BAZ2B: variants seen among roughly 807,000 people sequenced by gnomAD.
BAZ2B encodes the protein bromodomain adjacent to zinc finger domain protein 2B.
In BAZ2B, 91 loss-of-function variants were observed where a neutral mutation model predicts 246.0. The observed-to-expected ratio is 0.37, with a 90% CI of 0.31 to 0.44. BAZ2B has a LOEUF of 0.44. BAZ2B is among the 20% of genes least tolerant of loss of function. The pLI, the probability that BAZ2B is intolerant of heterozygous loss-of-function variation, is 1.00. For synonymous variants in BAZ2B, 855 were observed against 860.0 expected, an observed-to-expected ratio of 0.99 and a Z score of 0.10; for missense variants, 2,332 against 2,533.7, an observed-to-expected ratio of 0.92 and a Z score of 1.71.
chr2:159,600,432 T>TAA (rs898352695), intron 1 of BAZ2B, among the ~76,000 whole-genome samples: 1 of 150,646 alleles, frequency 6.6e-6, no homozygotes, highest in East Asian at 1.9e-4. Context: ...TTCCCACTGT[T>TAA]AAAAAAAAAC....
At chr2:159,596,806 T>G (rs1426908657) in intron 1 of BAZ2B, among the ~76,000 whole-genome samples, 1 of 152,216 alleles carries the variant, frequency 6.6e-6, no homozygotes, top group Non-Finnish European at 1.5e-5. Context: ...CATTCCTCGG[T>G]TACTTCACTT....
chr2:159,363,294 G>C (rs1278514860), intron 27 of BAZ2B, among the ~76,000 whole-genome samples: 1 of 152,166 alleles, frequency 6.6e-6, no homozygotes, highest in Non-Finnish European at 1.5e-5. Flanking sequence ...TAGATCCACA[G>C]ATAGTGTAGT....
At chr2:159,490,051 T>C (rs2080270876) in intron 2 of BAZ2B, among the ~76,000 whole-genome samples, 1 of 152,348 alleles carries the variant, frequency 6.6e-6, no homozygotes, top group Middle Eastern at 3.4e-3. Flanking sequence ...TCTTTCTTAG[T>C]CAATGTCAAA....
chr2:159,421,990 AT>A (rs2068846231), intron 13 of BAZ2B, among the ~76,000 whole-genome samples: 1 of 152,192 alleles, frequency 6.6e-6, no homozygotes, highest in Non-Finnish European at 1.5e-5. Flanking sequence ...CTCATTTACA[AT>A]AATAGCCACA....
chr2:159,656,839 G>A, the BAZ2B span, among the ~76,000 whole-genome samples: 11 of 152,006 alleles, frequency 7.2e-5, no homozygotes, highest in Admixed American at 5.9e-4. Context: ...TAATCAGGTT[G>A]TCTGTTTTCT....
chr2:159,539,198 G>A (rs763789597), intron 2 of BAZ2B, among the ~76,000 whole-genome samples: 5 of 152,166 alleles, frequency 3.3e-5, no homozygotes, highest in Non-Finnish European at 5.9e-5. Context: ...ACCAGTTTAT[G>A]TGTCTGTCTC....
At chr2:159,330,672 A>G (rs1406029958) in intron 34 of BAZ2B, among the ~76,000 whole-genome samples, 1 of 151,238 alleles carries the variant, frequency 6.6e-6, no homozygotes, top group Non-Finnish European at 1.5e-5. Context: ...CAGCCTGGGC[A>G]CATAGCGAGA....
In BAZ2B at chr2:159,324,874, T is replaced by A; in HGVS notation, c.6290A>T (p.Tyr2097Phe). ...LPVNLKLVPG[Y>F]KKVIKKPMDF... Reference sequence around the variant, plus strand: ...CATAGGCTTCTTAATAACTTTCTTATAACCAGGAACAAGTTTCAAGTTTAC... The same window carrying A: ...CATAGGCTTCTTAATAACTTTCTTAAAACCAGGAACAAGTTTCAAGTTTAC... Residue 2097 changes from tyrosine to phenylalanine, a missense_variant, in exon 36 of 37, where the codon TAT becomes TTT. Physicochemically the swap from Tyr to Phe is conservative, Grantham distance 22. This residue lies in a region of BAZ2B where 210 missense variants were observed against 232.5 expected (regional missense o/e 0.90). Coordinates refer to ENST00000392783, the MANE Select transcript of BAZ2B (RefSeq NM_013450.4). The A allele has an allele frequency of 6.4e-7, 1 of 1,554,406 alleles. No homozygotes were observed. Among genetic ancestry groups the A allele is most frequent in the Non-Finnish European group, 8.6e-7 (1 of 1,157,928 alleles).
At chr2:159,411,277 GC>G (rs2066797334) in intron 14 of BAZ2B, among the ~76,000 whole-genome samples, 1 of 151,994 alleles carries the variant, frequency 6.6e-6, no homozygotes, top group South Asian at 2.1e-4. Context: ...TCCCACCTTG[GC>G]ATCCCAAAGC....
chr2:159,447,007 T>G lies in BAZ2B; in HGVS notation c.503-32A>C, dbSNP rs546019766. The G allele has an allele frequency of 1.4e-5, 20 of 1,418,422 alleles. No homozygotes were observed. The African/African-American group carries it at 2.9e-4, about 20-fold the overall frequency. 87.9% of individuals were successfully genotyped at this position (1,418,422 alleles called of 1,614,324 possible). A position where few individuals can be genotyped will look rare whatever the true frequency, so the allele number is the denominator to read the frequency against. On this transcript the variant is annotated intron_variant, in intron 5 of 36. Transcript: ENST00000392783. ...AATAAAAATAAACATGTTTATACAA[T>G]GGAATATTATTGCATCATTTAAAAA...
At chr2:159,400,136 T>C (rs1407493567) in intron 17 of BAZ2B, among the ~76,000 whole-genome samples, 2 of 152,242 alleles carry the variant, frequency 1.3e-5, no homozygotes, top group Non-Finnish European at 2.9e-5. Flanking sequence ...CCTCTATCTC[T>C]ATTCTAATTA....
intron 8 of BAZ2B, chr2:159,437,266 T>G (rs1186920597): frequency 1.3e-5 from 2 of 152,228 alleles, no homozygotes; most frequent in Admixed American, 6.5e-5. Context: ...GCTGGACATA[T>G]GAATTTAGTC....
At chr2:159,399,207 G>C (rs770482676) in intron 17 of BAZ2B, among the ~76,000 whole-genome samples, 3 of 151,670 alleles carry the variant, frequency 2.0e-5, no homozygotes, top group Non-Finnish European at 2.9e-5. Flanking sequence ...TTTAATCACA[G>C]AAAAGTGATT....
intron 1 of BAZ2B, among the ~76,000 whole-genome samples, chr2:159,569,683 G>C (rs1439621955): frequency 6.6e-6 from 1 of 152,212 alleles, no homozygotes; most frequent in South Asian, 2.1e-4. Context: ...AATGTAGCCA[G>C]ATGCGGTAGC....
At chr2:159,687,000 C>T in the BAZ2B span, among the ~76,000 whole-genome samples, 1 of 146,612 alleles carries the variant, frequency 6.8e-6, no homozygotes, top group Non-Finnish European at 1.5e-5. Context: ...CGAGATTGCG[C>T]CACTACGCTC....
chr2:159,684,169 G>A, the BAZ2B span, among the ~76,000 whole-genome samples: 1 of 152,196 alleles, frequency 6.6e-6, no homozygotes, highest in Non-Finnish European at 1.5e-5. Context: ...TTGTATTACT[G>A]AATAATTCCA....
At chr2:159,594,774 G>A (rs1479466245) in intron 1 of BAZ2B, among the ~76,000 whole-genome samples, 2 of 152,046 alleles carry the variant, frequency 1.3e-5, no homozygotes, top group Non-Finnish European at 2.9e-5. Flanking sequence ...TGGGACTACA[G>A]GCGCGTGCCA....
At chr2:159,514,008 G>C (rs1281524306) in intron 2 of BAZ2B, among the ~76,000 whole-genome samples, 1 of 152,046 alleles carries the variant, frequency 6.6e-6, no homozygotes, top group East Asian at 1.9e-4. Flanking sequence ...CTTTCCAAAG[G>C]TATCCACATA....
chr2:159,324,410 A>T (rs954566930), intron 36 of BAZ2B, among the ~76,000 whole-genome samples: 2 of 152,136 alleles, frequency 1.3e-5, no homozygotes, highest in Non-Finnish European at 2.9e-5. Context: ...TTTTTGTTAA[A>T]TCCATATGAC....
Sources: allele counts gnomAD v4.1 joint callset (sites outside exome capture counted in the v4.1 genomes callset), GRCh38; gene constraint gnomAD v4.1.1; regional missense constraint gnomAD v4.1.1; transcripts MANE v1.5; gene names NCBI Gene and HGNC (gene_info 2026-07-23, HGNC 2026-07-21).